HSPA4: variants seen among roughly 807,000 people sequenced by gnomAD.
The protein encoded by HSPA4 is heat shock protein family A (Hsp70) member 4, also known as heat shock 70 kDa protein 4.
Under a neutral mutation model 106.2 loss-of-function variants are expected in HSPA4, and 25 were observed. The observed-to-expected ratio is 0.24, with a 90% CI of 0.17 to 0.33. HSPA4 has a LOEUF of 0.33. Among genes scored for constraint, HSPA4 ranks in the 10% least tolerant of loss-of-function variants. The pLI is 1.00. For synonymous variants in HSPA4, 332 were observed against 333.6 expected (o/e 1.00, Z 0.05); for missense variants, 841 against 996.0 (o/e 0.84, Z 2.10).
At chr5:133,065,973 AGTG>A (rs1375955331) in intron 2 of HSPA4, among the ~76,000 whole-genome samples, 1 of 152,352 alleles carries the variant, frequency 6.6e-6, no homozygotes, top group Non-Finnish European at 1.5e-5. Flanking sequence ...AGCCTAAAAA[AGTG>A]GTGCTTGGCC....
intron 14 of HSPA4, among the ~76,000 whole-genome samples, chr5:133,096,583 A>G (rs1026747151): frequency 1.3e-5 from 2 of 152,240 alleles, no homozygotes; most frequent in Non-Finnish European, 2.9e-5. Context: ...GTTGGTGGTC[A>G]TGGAAGTTAT....
intron 1 of HSPA4, among the ~76,000 whole-genome samples, chr5:133,060,653 C>T (rs1013605595): frequency 4.2e-4 from 64 of 152,054 alleles, no homozygotes; most frequent in African/African-American, 1.5e-3. Flanking sequence ...TGAGCCAGCG[C>T]GCCTGGTGCT....
At position 133,089,609 on chromosome 5, in the gene HSPA4, T is replaced by C. The variant is rs1313566422; in HGVS notation, c.1292T>C (p.Val431Ala). 6.2e-7 allele frequency: 1 copy of C among 1,613,130 alleles called. No homozygotes were observed. The part of the protein sequence containing the change: ...SKNHAAPFSK[V>A]LTFYRKEPFT... ...AATCATGCTGCTCCTTTCTCTAAAG[T>C]TCTTACATTTTATAGAAAGGAACCT... Residue 431 changes from valine (V) to alanine (A), a missense_variant, in exon 11 of 19, where the codon GTT (valine) becomes GCT (alanine). By Grantham distance (64) the Val-to-Ala change is moderately conservative. Around this residue, in one of 5 missense-constraint regions of HSPA4, gnomAD observed 162 missense variants for 177.7 expected, o/e 0.91. Transcript: ENST00000304858.
chr5:133,102,075 C>T (rs1396040811), intron 17 of HSPA4, among the ~76,000 whole-genome samples, 197 bp downstream of exon 17: 1 of 151,850 alleles, frequency 6.6e-6, no homozygotes, highest in Non-Finnish European at 1.5e-5. Context: ...TACAGGCGTG[C>T]ACCACCACGC....
chr5:133,071,053 A>G (rs761593368), intron 4 of HSPA4, among the ~76,000 whole-genome samples: 2 of 151,560 alleles, frequency 1.3e-5, no homozygotes, highest in Non-Finnish European at 2.9e-5. Context: ...TTCTTCCTGT[A>G]TTTTTTTCAT....
intron 1 of HSPA4, among the ~76,000 whole-genome samples, chr5:133,059,690 C>G (rs1435257751): frequency 2.6e-5 from 4 of 152,184 alleles, no homozygotes; most frequent in African/African-American, 9.7e-5. Flanking sequence ...GAATCATAGA[C>G]TCTAATACGT....
chr5:133,059,441 T>TTGTCACA (rs1765208799), intron 1 of HSPA4, among the ~76,000 whole-genome samples: 1 of 141,396 alleles, frequency 7.1e-6, no homozygotes, highest in South Asian at 2.3e-4. Flanking sequence ...GAGTGAGACT[T>TTGTCACA]TGTCTCAAAA....
At chr5:133,053,941 TG>T (rs1181024199) in intron 1 of HSPA4, among the ~76,000 whole-genome samples, 2 of 151,416 alleles carry the variant, frequency 1.3e-5, no homozygotes, top group African/African-American at 4.9e-5. Context: ...ATTACAGGCG[TG>T]AGTCACGGTG....
At chr5:133,094,338 AAT>A (rs1765685349) in intron 13 of HSPA4, among the ~76,000 whole-genome samples, 1 of 152,354 alleles carries the variant, frequency 6.6e-6, no homozygotes, top group South Asian at 2.1e-4. Context: ...ACAAATTTCT[AAT>A]TTAAAAGTGA....
intron 1 of HSPA4, 25 bp downstream of exon 1, chr5:133,052,382 GT>G (rs1561573592): frequency 7.2e-7 from 1 of 1,392,756 alleles, no homozygotes; most frequent in Non-Finnish European, 9.8e-7. Context: ...GGCCTGCCGC[GT>G]GCACTGGGGT....
chr5:133,104,573 G>C lies in HSPA4; in HGVS notation c.*137G>C, dbSNP rs1432637554. 3 of 687,384 alleles carry C rather than the reference G, an allele frequency of 4.4e-6. No homozygotes were observed. The highest frequency in any genetic ancestry group is 7.4e-6 in the Non-Finnish European group (3 of 405,264). 42.6% of individuals were successfully genotyped at this position (687,384 alleles called of 1,614,324 possible). A position where few individuals can be genotyped will look rare whatever the true frequency, so the allele number is the denominator to read the frequency against. On this transcript the variant is annotated 3_prime_UTR_variant, in exon 19 of 19. Coordinates refer to ENST00000304858, the MANE Select transcript of HSPA4 (RefSeq NM_002154.4). ...AGGGGATTTTCGGGGAGGGGAAATA[G>C]GTAATGTATGGAGCATTTTCACTTC...
rs752253193 is a variant in HSPA4, at chr5:133,096,206, T to G, written c.1759T>G (p.Trp587Gly). ...VDLPIENQLL[W>G]QIDREMLNLY... ...CCTGCCAATCGAGAATCAGCTATTA[T>G]GGCAGATAGACAGAGAGATGCTCAA... The change falls in exon 14 of 19, where the codon TGG becomes GGG. Residue 587 changes from tryptophan to glycine, a missense_variant. This residue lies in a region of HSPA4 where 328 missense variants were observed against 372.2 expected (regional missense o/e 0.88). Transcript: ENST00000304858. 6.2e-7 allele frequency: 1 copy of G among 1,613,894 alleles called. No homozygotes were observed. The highest frequency in any genetic ancestry group is 8.5e-7 in the Non-Finnish European group (1 of 1,179,920).
intron 5 of HSPA4, among the ~76,000 whole-genome samples, chr5:133,073,639 C>T (rs1765412096): frequency 6.6e-6 from 1 of 152,124 alleles, no homozygotes; most frequent in Non-Finnish European, 1.5e-5. Flanking sequence ...CTGGTAGAGT[C>T]AGAGGAATGG....
rs551499462 is a variant in HSPA4 at position 133,097,549 on chromosome 5, CT to C, written c.1929+279del. On this transcript the variant is annotated intron_variant, in intron 15 of 18. Coordinates refer to ENST00000304858, the MANE Select transcript of HSPA4 (RefSeq NM_002154.4). ...TTATCTTGTATCTTTCTTTTCTTTT[CT>C]TTTTTTTTTTTTTTTGAGACAGAGT... Among the ~76,000 whole-genome samples, 184 of 127,556 alleles carry C rather than the reference CT, an allele frequency of 1.4e-3. 1 individual carries two copies. The highest frequency in any genetic ancestry group is 3.0e-3 in the Admixed American group (38 of 12,650). The allele number at this position is 127,556 out of a possible 152,430, so 83.7% of individuals were successfully genotyped here. A position where few individuals can be genotyped will look rare whatever the true frequency, so the allele number is the denominator to read the frequency against.
chr5:133,079,393 A>G (rs555842970), intron 7 of HSPA4, among the ~76,000 whole-genome samples: 2 of 152,280 alleles, frequency 1.3e-5, no homozygotes, highest in East Asian at 3.9e-4. Context: ...TAATCATGTA[A>G]TATGCGTCTG....
intron 7 of HSPA4, among the ~76,000 whole-genome samples, chr5:133,082,770 A>G (rs1392056306): frequency 6.6e-6 from 1 of 152,144 alleles, no homozygotes; most frequent in Non-Finnish European, 1.5e-5. Context: ...CGGGAATTAT[A>G]TACTTTAAAT....
At chr5:133,059,500 C>T (rs1263525637) in intron 1 of HSPA4, among the ~76,000 whole-genome samples, 3 of 151,124 alleles carry the variant, frequency 2.0e-5, no homozygotes, top group Middle Eastern at 3.2e-3. Flanking sequence ...ATAGTCCCAG[C>T]TTCTTGGGAG....
At chr5:133,088,361 C>G in intron 8 of HSPA4, 43 bp from the exon 9 acceptor site, 27 of 1,390,426 alleles carry the variant, frequency 1.9e-5, no homozygotes, top group Non-Finnish European at 2.5e-5. Flanking sequence ...TGTTATTGTT[C>G]TTTCATTTCA....
In HSPA4 at chr5:133,052,208, CGGT is replaced by C. The variant is rs1181222967; in HGVS notation, c.-40_-38del. The C allele has an allele frequency of 7.2e-7, 1 of 1,387,318 alleles. No homozygotes were observed. Among genetic ancestry groups the C allele is most frequent in the East Asian group, 2.5e-5 (1 of 40,572 alleles). The allele number at this position is 1,387,318 out of a possible 1,614,324, so 85.9% of individuals were successfully genotyped here. A position where few individuals can be genotyped will look rare whatever the true frequency, so the allele number is the denominator to read the frequency against. On this transcript the variant is annotated 5_prime_UTR_variant, in exon 1 of 19. Transcript: ENST00000304858. ...CCCGCCGGGGGTCCGTGTCCTGTCT[CGGT>C]GGCCGGACCCGGGCCCGAGCCCGAG...
Sources: gnomAD v4.1 joint callset for allele counts (sites outside exome capture counted in the v4.1 genomes callset) on GRCh38, gnomAD v4.1.1 for gene constraint, gnomAD v4.1.1 regional missense constraint, MANE v1.5 for transcripts, NCBI Gene and HGNC (gene_info 2026-07-23, HGNC 2026-07-21) for gene names.